Variants in PPEF2 observed in about 807,000 individuals in gnomAD.
The protein encoded by PPEF2 is serine/threonine-protein phosphatase with EF-hands 2.
A neutral mutation model predicts 84.7 loss-of-function variants in PPEF2; 84 were observed. The observed-to-expected ratio is 0.99, with a 90% CI of 0.83 to 1.19. The LOEUF (loss-of-function observed/expected upper bound fraction) is 1.19, where lower values mean the gene tolerates loss of function less well. PPEF2 is among the 50% of genes most tolerant of loss of function. The pLI is 0.00. For synonymous variants in PPEF2, 346 were observed against 345.2 expected (o/e 1.00, Z -0.03); for missense variants, 924 against 937.5 (o/e 0.99, Z 0.19).
chr4:75,890,155 A>G (rs1418795401), intron 4 of PPEF2, 23 bp from the exon 5 acceptor site: 3 of 1,612,782 alleles, frequency 1.9e-6, no homozygotes, highest in East Asian at 2.2e-5. Context: ...GAAAAGGTGG[A>G]TCAGCTTATG....
chr4:75,897,265 T>C (rs1368599197), intron 1 of PPEF2, among the ~76,000 whole-genome samples: 1 of 152,238 alleles, frequency 6.6e-6, no homozygotes, highest in Non-Finnish European at 1.5e-5. Flanking sequence ...CTCATTTTCC[T>C]CTGTCTGTCC....
Position 75,883,039 on chromosome 4 carries a change from C to T in PPEF2, c.820G>A (p.Val274Ile), listed in dbSNP as rs773004813. The T allele has an allele frequency of 1.2e-6, 2 of 1,614,166 alleles. No homozygotes were observed. Among genetic ancestry groups the T allele is most frequent in the Non-Finnish European group, 1.7e-6 (2 of 1,180,018 alleles). Reference sequence around the variant, plus strand: ...GTGGCCAGTGGAAGCCAACAGAAAACATCTTGCAGGGTTCTTAGTATTTCC... The same window carrying T: ...GTGGCCAGTGGAAGCCAACAGAAAATATCTTGCAGGGTTCTTAGTATTTCC... ...GKEILRTLQDVFCWLPLATLI... is the reference protein window; with the variant it reads ...GKEILRTLQDIFCWLPLATLI... The change falls in exon 10 of 17, where the codon GTT becomes ATT. Residue 274 changes from valine (V) to isoleucine (I), a missense_variant. Val to Ile is a conservative substitution (Grantham distance 29). Transcript: ENST00000286719.
In PPEF2 at chr4:75,874,853, G is replaced by A. The variant is rs115714078; in HGVS notation, c.1320+1434C>T. Among the ~76,000 whole-genome samples the A allele has an allele frequency of 2.1e-3, 322 of 151,246 alleles. 1 individual carries two copies. The highest frequency in any genetic ancestry group is 2.3e-3 in the Non-Finnish European group (157 of 67,870). On this transcript the variant is annotated intron_variant, in intron 11 of 16. Transcript: ENST00000286719. ...TCACTACCCTCCATCCAATCAATCAGCAAGTTCTGCTAATTTTAGCTCTTA... is the reference window on the plus strand; with the variant it reads ...TCACTACCCTCCATCCAATCAATCAACAAGTTCTGCTAATTTTAGCTCTTA...
intron 3 of PPEF2, 25 bp downstream of exon 3, chr4:75,891,826 G>A (rs112837736): frequency 5.2e-5 from 83 of 1,600,640 alleles, no homozygotes; most frequent in African/African-American, 2.1e-4. Flanking sequence ...AGCAGGAGGC[G>A]GCTCCGTCCC....
intron 10 of PPEF2, among the ~76,000 whole-genome samples, chr4:75,879,776 A>G (rs1724517362): frequency 6.6e-6 from 1 of 152,228 alleles, no homozygotes; most frequent in Non-Finnish European, 1.5e-5. Flanking sequence ...GCTCAAATTC[A>G]GTATCAATTG....
At chr4:75,874,213 A>G (rs1724354394) in intron 11 of PPEF2, among the ~76,000 whole-genome samples, 1 of 152,154 alleles carries the variant, frequency 6.6e-6, no homozygotes, top group Non-Finnish European at 1.5e-5. Flanking sequence ...ATTAATACTC[A>G]GGAAAACAAT....
chr4:75,881,414 T>A (rs533622514), intron 10 of PPEF2: 2 of 152,144 alleles, frequency 1.3e-5, no homozygotes, highest in South Asian at 4.1e-4. Flanking sequence ...AAATAATTTT[T>A]TAAAAATTAG....
intron 6 of PPEF2, among the ~76,000 whole-genome samples, chr4:75,887,344 C>T (rs943551780): frequency 3.3e-5 from 5 of 152,046 alleles, no homozygotes; most frequent in African/African-American, 9.7e-5. Flanking sequence ...GTTTATGGGC[C>T]GGGCGGGTGG....
At chr4:75,881,097 G>A (rs1246140080) in intron 10 of PPEF2, among the ~76,000 whole-genome samples, 1 of 98,440 alleles carries the variant, frequency 1.0e-5, no homozygotes, top group African/African-American at 3.9e-5. Context: ...ACCGCATCCA[G>A]CATAATTTTT....
chr4:75,890,035 A>G lies in PPEF2; in HGVS notation c.339T>C (p.Ser113=), dbSNP rs1034749058. ...SDYESIEVPD[S]YTGPRLSFPL... is the part of the protein sequence containing the mutation. Reference sequence around the variant, plus strand: ...GGAAGGAGAGGCGTGGCCCCGTGTAACTGTCGGGTACCTCTATGGATTCAT... The same window carrying G: ...GGAAGGAGAGGCGTGGCCCCGTGTAGCTGTCGGGTACCTCTATGGATTCAT... The change falls in exon 5 of 17, where the codon AGT becomes AGC. Residue 113 remains serine (S), a synonymous_variant. Transcript: ENST00000286719. The G allele has an allele frequency of 6.2e-7, 1 of 1,613,824 alleles. No individual in the cohort carries two copies. The highest frequency in any genetic ancestry group is 1.3e-5 in the African/African-American group (1 of 74,826).
intron 1 of PPEF2, among the ~76,000 whole-genome samples, chr4:75,899,802 T>C (rs1725081335): frequency 6.7e-6 from 1 of 148,770 alleles, no homozygotes; most frequent in Non-Finnish European, 1.5e-5. Flanking sequence ...TCCTAAATAT[T>C]TGCACAGTTT....
In PPEF2 at chr4:75,876,483, A is replaced by G. The variant is rs1258692945; in HGVS notation, c.1124T>C (p.Ile375Thr). ...KAQKTSRSSSIPCSGSLDGRE... is the reference protein window; with the variant it reads ...KAQKTSRSSSTPCSGSLDGRE... ...CCCGTCCAGGGAACCGCTGCAGGGG[A>G]TGCTGGAGGACCTGCTGGTTTTCTG... The change falls in exon 11 of 17, where the codon ATC (isoleucine) becomes ACC (threonine). Residue 375 changes from isoleucine (I) to threonine (T), a missense_variant. Transcript: ENST00000286719. 3 of 1,613,900 alleles carry G rather than the reference A, an allele frequency of 1.9e-6. No individual in the cohort carries two copies. Among genetic ancestry groups the G allele is most frequent in the Non-Finnish European group, 2.5e-6 (3 of 1,179,862 alleles).
chr4:75,874,262 T>C (rs543849288), intron 11 of PPEF2, among the ~76,000 whole-genome samples: 1 of 152,210 alleles, frequency 6.6e-6, no homozygotes, highest in South Asian at 2.1e-4. Context: ...AATAACTGAA[T>C]AATTTTGGTT....
chr4:75,892,168 C>T (rs1724906479), intron 2 of PPEF2, among the ~76,000 whole-genome samples, 190 bp from the exon 3 acceptor site: 1 of 152,180 alleles, frequency 6.6e-6, no homozygotes, highest in African/African-American at 2.4e-5. Flanking sequence ...TTCCCCATTT[C>T]CTGCCCCTCC....
chr4:75,871,611 C>T (rs552473066), intron 13 of PPEF2, among the ~76,000 whole-genome samples: 1 of 152,238 alleles, frequency 6.6e-6, no homozygotes, highest in African/African-American at 2.4e-5. Flanking sequence ...GCTGGGACTA[C>T]AAGAGTACGC....
At chr4:75,861,754 C>T (rs887605722) in intron 16 of PPEF2, among the ~76,000 whole-genome samples, 2 of 139,798 alleles carry the variant, frequency 1.4e-5, no homozygotes, top group African/African-American at 2.5e-5. Context: ...GGACTACAGG[C>T]ACCCGCCACC....
intron 11 of PPEF2, among the ~76,000 whole-genome samples, chr4:75,874,827 C>T (rs1724368366): frequency 6.6e-6 from 1 of 152,110 alleles, no homozygotes; most frequent in South Asian, 2.1e-4. Context: ...ACTTCTCTTT[C>T]TCACTACCCT....
At chr4:75,891,614 C>T in intron 4 of PPEF2, 34 bp downstream of exon 4, 10 of 1,576,124 alleles carry the variant, frequency 6.3e-6, no homozygotes, top group Non-Finnish European at 7.7e-6. Context: ...GGCCTTGCGA[C>T]AGGAGGACAT....
chr4:75,897,255 C>T lies in PPEF2; in HGVS notation c.-58-872G>A, dbSNP rs1394042862. 3.3e-4 allele frequency among the ~76,000 whole-genome samples: 50 copies of T among 152,172 alleles called. 1 individual carries two copies. Among genetic ancestry groups the T allele is most frequent in the Admixed American group, 3.3e-3 (50 of 15,262 alleles). Reference sequence around the variant, plus strand: ...CTACTTACTGTCTCTGCTTCTTGAGCTCATTTTCCTCTGTCTGTCCCTTAT... The same window carrying T: ...CTACTTACTGTCTCTGCTTCTTGAGTTCATTTTCCTCTGTCTGTCCCTTAT... On this transcript the variant is annotated intron_variant, in intron 1 of 16. Transcript: ENST00000286719.
Sources: allele counts gnomAD v4.1 joint callset (sites outside exome capture counted in the v4.1 genomes callset), GRCh38; gene constraint gnomAD v4.1.1; transcripts MANE v1.5; gene names NCBI Gene and HGNC (gene_info 2026-07-23, HGNC 2026-07-21).